Variants in PCDHGB3 observed in about 807,000 individuals in gnomAD.
PCDHGB3 encodes protocadherin gamma subfamily B, 3.
Under a neutral mutation model 59.2 loss-of-function variants are expected in PCDHGB3, and 40 were observed. The observed-to-expected ratio is 0.68, with a 90% confidence interval of 0.52 to 0.88. PCDHGB3 has a LOEUF of 0.88. PCDHGB3 is among the 40% of genes least tolerant of loss of function. The probability of loss-of-function intolerance (pLI) is 0.00; values close to 1 mark genes in which losing one functional copy is unlikely to be tolerated. For synonymous variants in PCDHGB3, 581 were observed against 503.6 expected (o/e 1.15, Z -2.06); for missense variants, 1,309 against 1,187.9 (o/e 1.10, Z -1.50).
chr5:141,371,928 G>A lies in PCDHGB3; in HGVS notation c.1534G>A (p.Gly512Arg), dbSNP rs1305933236. The change falls in exon 1 of 4, where the codon GGG becomes AGG. Residue 512 changes from glycine to arginine, a missense_variant. Coordinates refer to ENST00000576222, the MANE Select transcript of PCDHGB3 (RefSeq NM_018924.5). ...SSYVSVSARS[G>R]VVFAQRAFDH... is the part of the protein sequence containing the mutation. ...CTACGTGTCCGTGAGCGCGCGGAGC[G>A]GGGTGGTGTTCGCGCAGCGAGCCTT... 4.3e-6 allele frequency: 7 copies of A among 1,613,232 alleles called. No homozygotes were observed. The highest frequency in any genetic ancestry group is 5.1e-6 in the Non-Finnish European group (6 of 1,179,914).
intron 1 of PCDHGB3, among the ~76,000 whole-genome samples, chr5:141,445,356 A>C (rs1333905692): frequency 6.6e-6 from 1 of 152,202 alleles, no homozygotes; most frequent in Non-Finnish European, 1.5e-5. Flanking sequence ...TGTCTGCCCA[A>C]GTCTGGTCCT....
At position 141,372,707 on chromosome 5, in the gene PCDHGB3, G is replaced by A. The variant is rs1451654894; in HGVS notation, c.2313G>A (p.Lys771=). The stretch of plus-strand genomic sequence containing the variant: ...CCGAGTTTAAATTTCTCAATATAAA[G>A]GCTGAAAATGCTGCACCACAAGATC... ...SNTEFKFLNI[K]AENAAPQDLL... The change falls in exon 1 of 4, where the codon AAG becomes AAA. Residue 771 remains lysine (K), a synonymous_variant. Coordinates refer to ENST00000576222, the MANE Select transcript of PCDHGB3 (RefSeq NM_018924.5). 1.2e-6 allele frequency: 2 copies of A among 1,613,964 alleles called. No individual in the cohort carries two copies. The highest frequency in any genetic ancestry group is 1.7e-6 in the Non-Finnish European group (2 of 1,179,870).
At chr5:141,482,048 G>T (rs375214441) in intron 1 of PCDHGB3, among the ~76,000 whole-genome samples, 12 of 150,156 alleles carry the variant, frequency 8.0e-5, no homozygotes, top group Middle Eastern at 6.9e-3. Flanking sequence ...TCATGCTGTT[G>T]CATTCCAGCC....
At chr5:141,424,080 C>T (rs2096798143) in intron 1 of PCDHGB3, 1 of 970,378 alleles carries the variant, frequency 1.0e-6, no homozygotes, top group Admixed American at 6.0e-5. Context: ...AGTTATATTC[C>T]ACCATTATTT....
chr5:141,375,053 G>A, intron 1 of PCDHGB3: 1 of 1,614,046 alleles, frequency 6.2e-7, no homozygotes. Context: ...AGCCCGGGAT[G>A]GGCCAGGTCT....
rs199973289 is a variant in PCDHGB3, at chr5:141,393,414, G to A, written c.2415+20605G>A. On this transcript the variant is annotated intron_variant, in intron 1 of 3. Transcript: ENST00000576222. ...AGAGCTGGTGCTGGAGCGCGCCCTG[G>A]ACAGGGAGGAAGAGGCTGCTCACCA... 7 of 1,614,038 alleles carry A rather than the reference G, an allele frequency of 4.3e-6. No individual in the cohort carries two copies. In the East Asian group the frequency reaches 1.3e-4, roughly 31 times the overall value.
intron 1 of PCDHGB3, chr5:141,421,282 A>G (rs762064258): frequency 7.4e-6 from 12 of 1,613,034 alleles, no homozygotes; most frequent in Non-Finnish European, 1.0e-5. Context: ...GCTGCTGTGC[A>G]TTTTCCTGGG....
At chr5:141,397,668 C>T (rs1455080741) in intron 1 of PCDHGB3, among the ~76,000 whole-genome samples, 3 of 152,224 alleles carry the variant, frequency 2.0e-5, no homozygotes, top group African/African-American at 7.2e-5. Flanking sequence ...AAAGAATGGA[C>T]CAATGTATGC....
At chr5:141,446,798 T>C (rs1223789118) in intron 1 of PCDHGB3, among the ~76,000 whole-genome samples, 1 of 152,160 alleles carries the variant, frequency 6.6e-6, no homozygotes, top group Non-Finnish European at 1.5e-5. Flanking sequence ...AGTTCTTCCA[T>C]TGTGATCATC....
At chr5:141,500,256 T>C (rs1045685908) in intron 2 of PCDHGB3, among the ~76,000 whole-genome samples, 1 of 151,676 alleles carries the variant, frequency 6.6e-6, no homozygotes, top group Non-Finnish European at 1.5e-5. Flanking sequence ...TCACCCAGGC[T>C]GGACTGCAGT....
chr5:141,472,733 C>T (rs1450872513), intron 1 of PCDHGB3, among the ~76,000 whole-genome samples: 2 of 151,996 alleles, frequency 1.3e-5, no homozygotes, highest in Non-Finnish European at 2.9e-5. Context: ...CACCTGTAAT[C>T]CCAGCACTTT....
intron 1 of PCDHGB3, chr5:141,404,534 T>A: frequency 6.2e-7 from 1 of 1,613,954 alleles, no homozygotes; most frequent in Non-Finnish European, 8.5e-7. Context: ...GTTTAGAGAT[T>A]TGCAAATGCA....
intron 1 of PCDHGB3, among the ~76,000 whole-genome samples, chr5:141,483,889 CT>C (rs1298469461): frequency 6.6e-6 from 1 of 151,866 alleles, no homozygotes; most frequent in Admixed American, 6.6e-5. Flanking sequence ...TTCTATTTCT[CT>C]GAGCTCTGGT....
intron 2 of PCDHGB3, among the ~76,000 whole-genome samples, chr5:141,501,728 C>A (rs1284130771): frequency 1.3e-5 from 2 of 152,134 alleles, no homozygotes; most frequent in East Asian, 1.9e-4. Flanking sequence ...ATATATTACC[C>A]AGTCAGCTTA....
chr5:141,446,260 TA>T (rs1207497940), intron 1 of PCDHGB3, among the ~76,000 whole-genome samples: 4 of 152,130 alleles, frequency 2.6e-5, no homozygotes, highest in Non-Finnish European at 4.4e-5. Context: ...GAAATATTAT[TA>T]ACTGAATAAA....
chr5:141,408,842 G>A, intron 1 of PCDHGB3: 1 of 1,613,598 alleles, frequency 6.2e-7, no homozygotes, highest in African/African-American at 1.3e-5. Flanking sequence ...GATATTGACT[G>A]CCTTGGACGG....
At chr5:141,470,025 A>T (rs2099219670) in intron 1 of PCDHGB3, among the ~76,000 whole-genome samples, 1 of 152,156 alleles carries the variant, frequency 6.6e-6, no homozygotes, top group African/African-American at 2.4e-5. Context: ...GCTACTCGGG[A>T]TGCTGAGGCG....
chr5:141,396,804 G>A lies in PCDHGB3; in HGVS notation c.2415+23995G>A, dbSNP rs189942396. On this transcript the variant is annotated intron_variant, in intron 1 of 3. Coordinates refer to ENST00000576222, the MANE Select transcript of PCDHGB3 (RefSeq NM_018924.5). ...AAGGACATTTCCTAAGGATTGTGTA[G>A]TGTTCTACTGTATGGTGCATATTCA... Among the ~76,000 whole-genome samples the A allele has an allele frequency of 2.8e-4, 42 of 152,300 alleles. 1 individual carries two copies. The highest frequency in any genetic ancestry group is 9.6e-4 in the African/African-American group (40 of 41,552).
In PCDHGB3 at chr5:141,486,269, G is replaced by T; in HGVS notation, c.2416-8538G>T. 6.2e-7 allele frequency: 1 copy of T among 1,613,996 alleles called. No homozygotes were observed. The highest frequency in any genetic ancestry group is 8.5e-7 in the Non-Finnish European group (1 of 1,179,956). On this transcript the variant is annotated intron_variant, in intron 1 of 3. Transcript: ENST00000576222. The surrounding 1 kb of genome is among the most constrained non-coding windows in gnomAD (Gnocchi z 5.0). ...AACCCTCCCCGAGAGTGCAGAACCT[G>T]GCACTGTGGTGGCACTTATCAGTGT...
Sources: allele counts gnomAD v4.1 joint callset (sites outside exome capture counted in the v4.1 genomes callset), GRCh38; gene constraint gnomAD v4.1.1; non-coding constraint Gnocchi (gnomAD v3.1); transcripts MANE v1.5; gene names NCBI Gene and HGNC (gene_info 2026-07-23, HGNC 2026-07-21).